Variants in CEP72 observed in about 807,000 individuals in gnomAD.
The protein encoded by CEP72 is centrosomal protein of 72 kDa.
A neutral mutation model predicts 65.7 loss-of-function variants in CEP72; 78 were observed. The observed-to-expected ratio is 1.19, with a 90% CI of 0.99 to 1.43. CEP72 has a LOEUF of 1.43. Among genes scored for constraint, CEP72 ranks in the 40% most tolerant of loss-of-function variants. The pLI is 0.00. For synonymous variants in CEP72, 358 were observed against 351.7 expected, an observed-to-expected ratio of 1.02 and a Z score of -0.20; for missense variants, 914 against 832.9, an observed-to-expected ratio of 1.10 and a Z score of -1.20.
At chr5:643,387 G>A (rs1275346725) in intron 9 of CEP72, 8 of 985,326 alleles carry the variant, frequency 8.1e-6, no homozygotes, top group East Asian at 1.1e-4. Context: ...GGAGAAGTCC[G>A]CGAAATGAAG....
In CEP72 at chr5:637,830, G is replaced by T. The variant is rs1453833541; in HGVS notation, c.1206+12G>T. The T allele has an allele frequency of 6.6e-7, 1 of 1,524,094 alleles. No individual in the cohort carries two copies. Among genetic ancestry groups the T allele is most frequent in the Non-Finnish European group, 8.8e-7 (1 of 1,133,276 alleles). 94.4% of individuals were successfully genotyped at this position (1,524,094 alleles called of 1,614,324 possible). On this transcript the variant is annotated intron_variant, in intron 7 of 11. Coordinates refer to ENST00000264935, the MANE Select transcript of CEP72 (RefSeq NM_018140.4). ...CCGACACCAGAGAGGTGAGAGAAGG[G>T]CTGGGGAGCAGCAGGCCCACGGCAC...
the CEP72 span, among the ~76,000 whole-genome samples, chr5:672,697 G>A: frequency 3.3e-5 from 5 of 152,338 alleles, no homozygotes; most frequent in Middle Eastern, 3.4e-3. Context: ...TGGGAGATTC[G>A]CTGTCCATGG....
At position 645,504 on chromosome 5, in the gene CEP72, T is replaced by G. The variant is rs1356873719; in HGVS notation, c.1666+1079T>G. On this transcript the variant is annotated intron_variant, in intron 10 of 11. Coordinates refer to ENST00000264935, the MANE Select transcript of CEP72 (RefSeq NM_018140.4). The surrounding 1 kb of genome is among the most constrained non-coding windows in gnomAD (Gnocchi z 4.0). ...GTTCCCTGCCCGGGAGAACTGTGTG[T>G]GTGGTTTGCTCTCCCGGCTCTGTGG... Among the ~76,000 whole-genome samples, 2 of 150,394 alleles carry G rather than the reference T, an allele frequency of 1.3e-5. No homozygotes were observed. The highest frequency in any genetic ancestry group is 1.5e-5 in the Non-Finnish European group (1 of 67,782).
chr5:640,766 G>A (rs996687630), intron 9 of CEP72, 162 bp downstream of exon 9: 39 of 985,338 alleles, frequency 4.0e-5, no homozygotes, highest in East Asian at 1.1e-4. Context: ...CCCCCGGAAC[G>A]CGGCCTGCCC....
intron 11 of CEP72, 31 bp downstream of exon 11, chr5:647,947 C>G (rs202101815): frequency 6.5e-7 from 1 of 1,528,536 alleles, no homozygotes; most frequent in Admixed American, 1.7e-5. Flanking sequence ...GGTGGGCCCC[C>G]GAGGGGAGGA....
Position 645,286 on chromosome 5 carries a change from C to G in CEP72, c.1666+861C>G, listed in dbSNP as rs934616655. On this transcript the variant is annotated intron_variant, in intron 10 of 11. Transcript: ENST00000264935. This position sits in a 1 kb window ranked among gnomAD's most constrained non-coding sequence, Gnocchi z 4.0. Reference sequence around the variant, plus strand: ...TGGGGCAGCGTCTCCTTGGATCTTTCGCCCGTTGGTTTTTATTGGGTTGTT... The same window carrying G: ...TGGGGCAGCGTCTCCTTGGATCTTTGGCCCGTTGGTTTTTATTGGGTTGTT... Among the ~76,000 whole-genome samples, 1 of 152,180 alleles carries G rather than the reference C, an allele frequency of 6.6e-6. No homozygotes were observed. The highest frequency in any genetic ancestry group is 1.9e-4 in the East Asian group (1 of 5,170).
Position 652,977 on chromosome 5 carries a change from T to A in CEP72, c.1779-11T>A. 7.0e-6 allele frequency: 11 copies of A among 1,572,292 alleles called. No homozygotes were observed. Among genetic ancestry groups the A allele is most frequent in the Non-Finnish European group, 8.7e-6 (10 of 1,149,890 alleles). The stretch of plus-strand genomic sequence containing the variant: ...GAAGTGCCAAGCAGCCGCTTCCCTG[T>A]TGTTCTGCAGCTCCCTGGTCAGCAC... On this transcript the variant is annotated splice_polypyrimidine_tract_variant and intron_variant, in intron 11 of 11. Transcript: ENST00000264935.
rs367792598 is a variant in CEP72 at position 620,274 on chromosome 5, C to G, written c.403+13C>G. On this transcript the variant is annotated intron_variant, in intron 3 of 11. Coordinates refer to ENST00000264935, the MANE Select transcript of CEP72 (RefSeq NM_018140.4). Reference sequence around the variant, plus strand: ...CTCCAGCAGCTGGGTAGGCATCAGGCAGGGCCACGCTCATGCTTTTGTCCC... The same window carrying G: ...CTCCAGCAGCTGGGTAGGCATCAGGGAGGGCCACGCTCATGCTTTTGTCCC... 20 of 1,608,222 alleles carry G rather than the reference C, an allele frequency of 1.2e-5. No individual in the cohort carries two copies. The Admixed American group carries it at 1.5e-4, about 12-fold the overall frequency.
Position 635,581 on chromosome 5 carries a change from C to T in CEP72, c.901C>T (p.Pro301Ser). 15 of 1,609,316 alleles carry T rather than the reference C, an allele frequency of 9.3e-6. No homozygotes were observed. The highest frequency in any genetic ancestry group is 1.3e-5 in the Non-Finnish European group (15 of 1,176,142). Residue 301 changes from proline to serine, a missense_variant, in exon 6 of 12, where the codon CCA becomes TCA. Coordinates refer to ENST00000264935, the MANE Select transcript of CEP72 (RefSeq NM_018140.4). ...GCCACACACGTACTTCACCCCACAC[C>T]CAGGTACTTACGCGTGTCTTAGTCT... ...PRPHTYFTPH[P>S]DSMDTEDSAS...
At chr5:668,373 T>G (rs116325023), downstream of CEP72, among the ~76,000 whole-genome samples, 660 of 73,720 alleles carry the variant, frequency 9.0e-3, 46 homozygotes, top group African/African-American at 0.041. Flanking sequence ...TGGAGAGGGG[T>G]CCGCGTGGGC....
chr5:635,618 C>T (rs1737540520), intron 6 of CEP72, 34 bp downstream of exon 6: 2 of 1,497,326 alleles, frequency 1.3e-6, no homozygotes, highest in African/African-American at 1.4e-5. Flanking sequence ...TTTTCTGTTG[C>T]TGTAACAGAA....
In CEP72 at chr5:623,783, C is replaced by G. The variant is rs1358438866; in HGVS notation, c.404-688C>G. ...CGGCATCTTTGTGTGATTATCAGAA[C>G]TCCTCCGTTTTTCTGCTTTGAACAT... On this transcript the variant is annotated intron_variant, in intron 3 of 11. Transcript: ENST00000264935. This position sits in a 1 kb window ranked among gnomAD's most constrained non-coding sequence, Gnocchi z 5.3. Among the ~76,000 whole-genome samples the G allele has an allele frequency of 6.6e-6, 1 of 152,102 alleles. No individual in the cohort carries two copies. Among genetic ancestry groups the G allele is most frequent in the Admixed American group, 6.5e-5 (1 of 15,282 alleles).
chr5:655,455 G>C (rs887272615), downstream of CEP72: 13 of 152,176 alleles, frequency 8.5e-5, no homozygotes, highest in African/African-American at 3.1e-4. The surrounding 1 kb of genome is among the most constrained non-coding windows in gnomAD (Gnocchi z 5.0). Context: ...GTTTTTAACA[G>C]GTTTACTAGA....
At chr5:615,786 G>T (rs954503446) in intron 1 of CEP72, among the ~76,000 whole-genome samples, 4 of 151,962 alleles carry the variant, frequency 2.6e-5, no homozygotes, top group Non-Finnish European at 2.9e-5. Context: ...AATATTTTTA[G>T]TATCTCATTT....
At chr5:668,560 C>T (rs557723761), downstream of CEP72, among the ~76,000 whole-genome samples, 28 of 152,282 alleles carry the variant, frequency 1.8e-4, no homozygotes, top group Middle Eastern at 3.4e-3. Context: ...AATAAACTGC[C>T]GGCACCTCGA....
downstream of CEP72, among the ~76,000 whole-genome samples, chr5:654,322 TTGTGTGTGCGC>T (rs1276957686): frequency 1.4e-5 from 2 of 145,646 alleles, no homozygotes; most frequent in Non-Finnish European, 3.1e-5. Context: ...GTGTGTACGC[TTGTGTGTGCGC>T]TGTGTGTGCG....
intron 1 of CEP72, among the ~76,000 whole-genome samples, chr5:613,208 T>G (rs1735785552): frequency 6.6e-6 from 1 of 152,192 alleles, no homozygotes; most frequent in African/African-American, 2.4e-5. Flanking sequence ...TGTCTGTGTG[T>G]GGTCTGCAGG....
At position 637,871 on chromosome 5, in the gene CEP72, G is replaced by C. The variant is rs1737722027; in HGVS notation, c.1206+53G>C. 2.1e-6 allele frequency: 3 copies of C among 1,440,584 alleles called. No individual in the cohort carries two copies. In the East Asian group the frequency reaches 7.5e-5, roughly 36 times the overall value. The allele number at this position is 1,440,584 out of a possible 1,614,324, so 89.2% of individuals were successfully genotyped here. ...CCCACGGCACTGCCTCCCTAATGTG[G>C]GGCTGTTACGGCTTTGGCGGGGCCG... On this transcript the variant is annotated intron_variant, in intron 7 of 11. Transcript: ENST00000264935.
At chr5:643,165 A>C in intron 9 of CEP72, 1 of 977,544 alleles carries the variant, frequency 1.0e-6, no homozygotes, top group African/African-American at 1.7e-5. Flanking sequence ...TGATTGCTCC[A>C]CTGCCCTCTA....
Sources: gnomAD v4.1 joint callset for allele counts (sites outside exome capture counted in the v4.1 genomes callset) on GRCh38, gnomAD v4.1.1 for gene constraint, Gnocchi (gnomAD v3.1) non-coding constraint, MANE v1.5 for transcripts, NCBI Gene and HGNC (gene_info 2026-07-23, HGNC 2026-07-21) for gene names.